Variants in CDH10 observed in about 807,000 individuals in gnomAD.
CDH10 encodes cadherin 10, also known as cadherin-10.
In CDH10, 30 loss-of-function variants were observed where a neutral mutation model predicts 73.1. The ratio of observed to expected loss-of-function variants is 0.41; its 90% CI spans 0.31 to 0.56. The LOEUF (loss-of-function observed/expected upper bound fraction) is 0.56. Ranked by LOEUF, CDH10 falls within the 20% of genes least tolerant of loss-of-function variation. The pLI is 0.27. For synonymous variants in CDH10, 345 were observed against 348.2 expected (o/e 0.99, Z 0.10); for missense variants, 815 against 973.7 (o/e 0.84, Z 2.17).
rs879686508 is a variant in CDH10, at chr5:24,555,269, G to A, written c.232-17595C>T. 2.5e-4 allele frequency among the ~76,000 whole-genome samples: 38 copies of A among 152,026 alleles called. 1 individual carries two copies. Among genetic ancestry groups the A allele is most frequent in the Non-Finnish European group, 4.7e-4 (32 of 68,010 alleles). On this transcript the variant is annotated intron_variant, in intron 2 of 11. Transcript: ENST00000264463. ...ATTATTCTTTTCTAATTTTGCAAAA[G>A]TTTCATTAGAGGCTTATGTGACTTT...
At chr5:24,498,903 GTTTT>G (rs1237066486) in intron 8 of CDH10, among the ~76,000 whole-genome samples, 1 of 151,782 alleles carries the variant, frequency 6.6e-6, no homozygotes, top group Admixed American at 6.6e-5. Flanking sequence ...TGAAGAAATA[GTTTT>G]TTTTGTTTGT....
At chr5:24,517,488 C>A (rs1449986263) in intron 5 of CDH10, among the ~76,000 whole-genome samples, 4 of 152,022 alleles carry the variant, frequency 2.6e-5, no homozygotes, top group African/African-American at 9.7e-5. Context: ...TACAAAGAAA[C>A]CAATTGTTGC....
At position 24,623,110 on chromosome 5, in the gene CDH10, T is replaced by C. The variant is rs150615312; in HGVS notation, c.-124+21484A>G. Reference sequence around the variant, plus strand: ...ATTATTTCACATTTCCTTTGTGTCATGCAGGAAGAAGATATGACTGGGAAC... The same window carrying C: ...ATTATTTCACATTTCCTTTGTGTCACGCAGGAAGAAGATATGACTGGGAAC... On this transcript the variant is annotated intron_variant, in intron 1 of 11. Coordinates refer to ENST00000264463, the MANE Select transcript of CDH10 (RefSeq NM_006727.5). Among the ~76,000 whole-genome samples, 552 of 152,270 alleles carry C rather than the reference T, an allele frequency of 3.6e-3. 4 individuals are homozygous for C. The highest frequency in any genetic ancestry group is 0.013 in the African/African-American group (522 of 41,566).
rs574139543 is a variant in CDH10, at chr5:24,491,491, G to T, written c.1876+85C>A. ...CTATCTTAAAATTTGGGGTGGTTTT[G>T]GGGGAGGGATTTTAATAGCCACAAT... On this transcript the variant is annotated intron_variant, in intron 11 of 11. Transcript: ENST00000264463. 2,013 of 1,209,604 alleles carry T rather than the reference G, an allele frequency of 1.7e-3. 33 individuals are homozygous for T. The highest frequency in any genetic ancestry group is 3.0e-3 in the East Asian group (125 of 42,132). 74.9% of individuals were successfully genotyped at this position (1,209,604 alleles called of 1,614,324 possible).
chr5:24,568,503 TG>T (rs1298348526), intron 2 of CDH10, among the ~76,000 whole-genome samples: 1 of 151,776 alleles, frequency 6.6e-6, no homozygotes, highest in African/African-American at 2.4e-5. Flanking sequence ...AAACAAGTGT[TG>T]TCAAGAATCA....
intron 2 of CDH10, among the ~76,000 whole-genome samples, chr5:24,556,965 T>C (rs1339945886): frequency 7.2e-6 from 1 of 139,144 alleles, no homozygotes. Context: ...ATCTGAAGTT[T>C]TTTTCATATT....
chr5:24,574,245 A>G (rs1745514164), intron 2 of CDH10, among the ~76,000 whole-genome samples: 1 of 152,134 alleles, frequency 6.6e-6, no homozygotes, highest in Admixed American at 6.5e-5. Flanking sequence ...AAGCCACTAC[A>G]TAAATAACAG....
chr5:24,491,882 T>A (rs1384896782), intron 10 of CDH10, 55 bp from the exon 11 acceptor site: 3 of 1,109,868 alleles, frequency 2.7e-6, no homozygotes, highest in East Asian at 2.5e-5. Flanking sequence ...TTTTTCCCAA[T>A]GTGATCACCA....
At chr5:24,553,120 C>T (rs574528358) in intron 2 of CDH10, among the ~76,000 whole-genome samples, 2 of 152,166 alleles carry the variant, frequency 1.3e-5, no homozygotes, top group African/African-American at 4.8e-5. Flanking sequence ...AATATTGAAC[C>T]GACCATTTCA....
At chr5:24,575,639 GAATA>G (rs1413365020) in intron 2 of CDH10, among the ~76,000 whole-genome samples, 1 of 152,002 alleles carries the variant, frequency 6.6e-6, no homozygotes, top group Non-Finnish European at 1.5e-5. Flanking sequence ...TTGAATGATT[GAATA>G]AATAAATATA....
intron 2 of CDH10, among the ~76,000 whole-genome samples, chr5:24,552,925 C>T (rs1222481902): frequency 6.6e-6 from 1 of 152,032 alleles, no homozygotes; most frequent in African/African-American, 2.4e-5. Flanking sequence ...GTTTGTGATT[C>T]AAACTTTGTT....
Position 24,511,486 on chromosome 5 carries a change from G to A in CDH10, c.843C>T (p.Ser281=), listed in dbSNP as rs1265082468. 3 of 1,594,554 alleles carry A rather than the reference G, an allele frequency of 1.9e-6. No individual in the cohort carries two copies. The highest frequency in any genetic ancestry group is 2.6e-6 in the Non-Finnish European group (3 of 1,165,442). The change falls in exon 6 of 12, where the codon TCC becomes TCT. Residue 281 remains serine (S), a synonymous_variant. Transcript: ENST00000264463. The part of the protein sequence containing the change: ...QNTIHLRVLE[S]SPVGTAIGSV... The stretch of plus-strand genomic sequence containing the variant: ...TTCCAATGGCTGTGCCAACTGGGGA[G>A]GATTCAAGAACTCGAAGATGAATAG...
chr5:24,525,440 C>A (rs1743496740), intron 5 of CDH10, among the ~76,000 whole-genome samples: 1 of 151,992 alleles, frequency 6.6e-6, no homozygotes. Context: ...TAATCTCGAA[C>A]AATACTTGCT....
chr5:24,521,695 A>G (rs761257606), intron 5 of CDH10, among the ~76,000 whole-genome samples: 13 of 152,192 alleles, frequency 8.5e-5, no homozygotes, highest in Non-Finnish European at 1.8e-4. Context: ...TTGATATTAA[A>G]CCAAACTATT....
chr5:24,619,359 A>G (rs1747233649), intron 1 of CDH10, among the ~76,000 whole-genome samples: 1 of 152,016 alleles, frequency 6.6e-6, no homozygotes, highest in African/African-American at 2.4e-5. Flanking sequence ...ACGCCCAGCT[A>G]ATTTTTTGTA....
At chr5:24,506,406 T>C (rs983319080) in intron 7 of CDH10, among the ~76,000 whole-genome samples, 48 of 152,182 alleles carry the variant, frequency 3.2e-4, no homozygotes, top group African/African-American at 1.2e-3. Flanking sequence ...TTGGAATAAT[T>C]ATTTTATTAC....
At chr5:24,567,315 C>A (rs1293932598) in intron 2 of CDH10, among the ~76,000 whole-genome samples, 1 of 151,490 alleles carries the variant, frequency 6.6e-6, no homozygotes, top group African/African-American at 2.4e-5. Flanking sequence ...TAACACATCC[C>A]TAGGCCATGA....
Position 24,537,512 on chromosome 5 carries a change from T to C in CDH10, c.394A>G (p.Ile132Val), listed in dbSNP as rs1397733980. The C allele has an allele frequency of 4.3e-6, 7 of 1,613,264 alleles. No homozygotes were observed. The East Asian group carries it at 6.7e-5, about 15-fold the overall frequency. The change falls in exon 3 of 12, where the codon ATT becomes GTT. Residue 132 changes from isoleucine (I) to valine (V), a missense_variant. By Grantham distance (29) the Ile-to-Val change is conservative. This residue lies in a region of CDH10 where 516 missense variants were observed against 636.6 expected (regional missense o/e 0.81). Coordinates refer to ENST00000264463, the MANE Select transcript of CDH10 (RefSeq NM_006727.5). ...KAFYTLRAQA[I>V]NRRTLRPVEP... ...ACTGGCCTCAGAGTTCTTCTGTTAATAGCTTGTGCGCGTAGAGTATAAAAG... is the reference window on the plus strand; with the variant it reads ...ACTGGCCTCAGAGTTCTTCTGTTAACAGCTTGTGCGCGTAGAGTATAAAAG...
intron 8 of CDH10, among the ~76,000 whole-genome samples, chr5:24,504,498 C>A: frequency 2.4e-5 from 2 of 84,212 alleles, no homozygotes; most frequent in East Asian, 4.0e-4. Flanking sequence ...TGCTTTTCTC[C>A]TATTAATCTT....
Sources: gnomAD v4.1 joint callset for allele counts (sites outside exome capture counted in the v4.1 genomes callset) on GRCh38, gnomAD v4.1.1 for gene constraint, gnomAD v4.1.1 regional missense constraint, MANE v1.5 for transcripts, NCBI Gene and HGNC (gene_info 2026-07-23, HGNC 2026-07-21) for gene names.